The following TTC39C variants were observed in gnomAD, a reference collection of about 807,000 sequenced individuals.
TTC39C encodes the protein tetratricopeptide repeat protein 39C.
Under a neutral mutation model 76.3 loss-of-function variants are expected in TTC39C, and 33 were observed. The observed-to-expected ratio is 0.43, with a 90% CI of 0.33 to 0.58. The LOEUF (loss-of-function observed/expected upper bound fraction) is 0.58. Among genes scored for constraint, TTC39C ranks in the 20% least tolerant of loss-of-function variants. The probability of loss-of-function intolerance (pLI) is 0.04; values close to 1 mark genes in which losing one functional copy is unlikely to be tolerated. For synonymous variants in TTC39C, 254 were observed against 260.6 expected (o/e 0.97, Z 0.24); for missense variants, 595 against 701.4 (o/e 0.85, Z 1.71).
At chr18:24,071,818 T>G (rs190443972) in intron 4 of TTC39C, among the ~76,000 whole-genome samples, 160 of 152,348 alleles carry the variant, frequency 1.1e-3, no homozygotes, top group Non-Finnish European at 1.7e-3. Flanking sequence ...CTTCTAATAG[T>G]TTGATATTAT....
intron 1 of TTC39C, among the ~76,000 whole-genome samples, chr18:24,005,035 C>A (rs984398995): frequency 1.6e-4 from 25 of 152,192 alleles, no homozygotes; most frequent in African/African-American, 5.8e-4. Flanking sequence ...GTACGACTTT[C>A]AGGAAGAACT....
intron 1 of TTC39C, among the ~76,000 whole-genome samples, chr18:24,049,601 C>G (rs1301372682): frequency 6.6e-6 from 1 of 152,096 alleles, no homozygotes; most frequent in Non-Finnish European, 1.5e-5. Flanking sequence ...CTTGAGAGCC[C>G]AGAGGAGGGA....
chr18:24,058,091 A>T (rs113907526), intron 1 of TTC39C, among the ~76,000 whole-genome samples: 117 of 152,352 alleles, frequency 7.7e-4, no homozygotes, highest in African/African-American at 2.5e-3. Flanking sequence ...GTCCTCACTT[A>T]TAAGTGGGAG....
At chr18:24,026,939 G>A (rs2083606178) in intron 1 of TTC39C, among the ~76,000 whole-genome samples, 1 of 152,208 alleles carries the variant, frequency 6.6e-6, no homozygotes, top group South Asian at 2.1e-4. Context: ...AGGACAAAAA[G>A]AGGGAAAATG....
At chr18:24,054,410 T>C (rs1410109833) in intron 1 of TTC39C, among the ~76,000 whole-genome samples, 3 of 152,224 alleles carry the variant, frequency 2.0e-5, no homozygotes, top group Admixed American at 6.5e-5. Flanking sequence ...GATGCATTTT[T>C]CTCTCTAAAA....
chr18:24,046,873 A>G lies in TTC39C; in HGVS notation c.168-17267A>G, dbSNP rs148190782. ...AGCAATATGCTTTTTTCATGCTTCC[A>G]CAGAAAAAATACATTTAAACGTATT... On this transcript the variant is annotated intron_variant, in intron 1 of 13. Transcript: ENST00000317571. Among the ~76,000 whole-genome samples the G allele has an allele frequency of 2.6e-5, 4 of 151,940 alleles. No individual in the cohort carries two copies. In the East Asian group the frequency reaches 7.7e-4, roughly 29 times the overall value.
chr18:24,083,500 G>T (rs1277286477), intron 6 of TTC39C, among the ~76,000 whole-genome samples: 2 of 152,204 alleles, frequency 1.3e-5, no homozygotes, highest in African/African-American at 2.4e-5. Flanking sequence ...GGCAACATGA[G>T]CTTTGAAATA....
chr18:24,113,292 T>C, intron 6 of TTC39C: 2 of 439,032 alleles, frequency 4.6e-6, no homozygotes, highest in South Asian at 3.2e-5. Flanking sequence ...TCACAGGCTG[T>C]CCTGAAGATC....
At chr18:24,091,735 T>C (rs887718782) in intron 6 of TTC39C, among the ~76,000 whole-genome samples, 1 of 152,154 alleles carries the variant, frequency 6.6e-6, no homozygotes, top group Non-Finnish European at 1.5e-5. Context: ...ATACGGGACT[T>C]GTATTCTGAA....
chr18:24,125,441 G>A lies in TTC39C; in HGVS notation c.1311G>A (p.Arg437=), dbSNP rs773693740. 6.3e-5 allele frequency: 101 copies of A among 1,614,010 alleles called. No individual in the cohort carries two copies. Among genetic ancestry groups the A allele is most frequent in the Non-Finnish European group, 7.9e-5 (93 of 1,180,018 alleles). Residue 437 remains arginine, a synonymous_variant, in exon 10 of 14, where the codon CGG becomes CGA. Transcript: ENST00000317571. ...QFSVKKAERF[R]KQTPTKALCV... ...ACTCCTTGCAGGCAGAGCGATTTCG[G>A]AAGCAAACCCCAACCAAAGCGCTCT...
chr18:24,030,316 T>A (rs1012527112), intron 1 of TTC39C, among the ~76,000 whole-genome samples: 1 of 152,216 alleles, frequency 6.6e-6, no homozygotes, highest in Non-Finnish European at 1.5e-5. Context: ...AGATATTTGA[T>A]ACACATTAAT....
chr18:24,073,652 A>T (rs2084268160), intron 4 of TTC39C, among the ~76,000 whole-genome samples: 1 of 152,018 alleles, frequency 6.6e-6, no homozygotes, highest in African/African-American at 2.4e-5. Context: ...AGTAGCTGGG[A>T]CTACAGGCAT....
At chr18:24,126,751 G>T (rs1185440661) in intron 10 of TTC39C, among the ~76,000 whole-genome samples, 1 of 151,852 alleles carries the variant, frequency 6.6e-6, no homozygotes, top group Non-Finnish European at 1.5e-5. Flanking sequence ...GGGCTCAAGT[G>T]GTCCTTTCAC....
intron 1 of TTC39C, among the ~76,000 whole-genome samples, chr18:24,052,644 G>T (rs1370066800): frequency 2.0e-5 from 3 of 152,136 alleles, no homozygotes; most frequent in Non-Finnish European, 4.4e-5. Flanking sequence ...TTATTTATTA[G>T]ACGATGATCC....
In TTC39C at chr18:24,133,683, T is replaced by G. The variant is rs919634327; in HGVS notation, c.*1109T>G. 2 of 152,228 alleles carry G rather than the reference T, an allele frequency of 1.3e-5. No individual in the cohort carries two copies. Among genetic ancestry groups the G allele is most frequent in the Non-Finnish European group, 2.9e-5 (2 of 68,038 alleles). 9.4% of individuals were successfully genotyped at this position (152,228 alleles called of 1,614,324 possible). On this transcript the variant is annotated 3_prime_UTR_variant, in exon 14 of 14. Transcript: ENST00000317571. ...ATACAAGGAATTCAAAGTTATTTTT[T>G]TATTCTTCATTGCTAATTTTTGTCA...
At chr18:24,081,468 G>C (rs1375102323) in intron 5 of TTC39C, among the ~76,000 whole-genome samples, 1 of 152,196 alleles carries the variant, frequency 6.6e-6, no homozygotes, top group Non-Finnish European at 1.5e-5. Context: ...TGAGGAAGCT[G>C]ATATAACTAT....
chr18:24,015,003 C>A lies in TTC39C; in HGVS notation c.132C>A (p.Gly44=). The A allele has an allele frequency of 6.6e-7, 1 of 1,522,326 alleles. No individual in the cohort carries two copies. The highest frequency in any genetic ancestry group is 8.8e-7 in the Non-Finnish European group (1 of 1,134,946). 94.3% of individuals were successfully genotyped at this position (1,522,326 alleles called of 1,614,324 possible). ...GCATCAACATGCTGCTCAACAACGG[C>A]TTCAGGGAGTCGGACCAGCTTTTCA... ...LAGINMLLNN[G]FRESDQLFKQ... is the part of the protein sequence containing the mutation. Residue 44 remains glycine (G), a synonymous_variant, in exon 1 of 14, where the codon GGC becomes GGA. Transcript: ENST00000317571.
rs1555763424 is a variant in TTC39C, at chr18:24,001,831, T to TTTTTTTG, written c.-17+8799_-17+8800insGTTTTTT. Among the ~76,000 whole-genome samples the TTTTTTTG allele has an allele frequency of 7.8e-3, 349 of 44,584 alleles. 10 individuals are homozygous for TTTTTTTG. Among genetic ancestry groups the TTTTTTTG allele is most frequent in the African/African-American group, 0.016 (325 of 20,372 alleles). 29.2% of individuals were successfully genotyped at this position (44,584 alleles called of 152,430 possible). The stretch of plus-strand genomic sequence containing the variant: ...AGGTGTACGGTAATTCTGTTTTTTT[T>TTTTTTTG]TTTTTTTTTTTTGAGACGGAGTCTC... On this transcript the variant is annotated intron_variant, in intron 1 of 13. Coordinates refer to the TTC39C transcript ENST00000304621.
intron 6 of TTC39C, chr18:24,113,546 C>T (rs930372719): frequency 1.4e-6 from 1 of 701,488 alleles, no homozygotes. Context: ...GGAAGTCCAC[C>T]TCCCTGCAAG....
Sources: allele counts gnomAD v4.1 joint callset (sites outside exome capture counted in the v4.1 genomes callset), GRCh38; gene constraint gnomAD v4.1.1; transcripts MANE v1.5; gene names NCBI Gene and HGNC (gene_info 2026-07-23, HGNC 2026-07-21).